The following NTRK3 variants were observed in gnomAD, a reference collection of about 807,000 sequenced individuals.
NTRK3 encodes neurotrophic receptor tyrosine kinase 3.
Under a neutral mutation model 91.7 loss-of-function variants are expected in NTRK3, and 24 were observed. The observed-to-expected ratio is 0.26, with a 90% confidence interval of 0.19 to 0.37. The LOEUF (loss-of-function observed/expected upper bound fraction) is 0.37. NTRK3 is among the 10% of genes least tolerant of loss of function. NTRK3 has a pLI of 1.00. For synonymous variants in NTRK3, 483 were observed against 404.0 expected (o/e 1.20, Z -2.34); for missense variants, 880 against 1,068.9 (o/e 0.82, Z 2.46).
rs1598146852 is a variant in NTRK3 at position 88,243,167 on chromosome 15, G to A, written c.248+12739C>T. Among the ~76,000 whole-genome samples the A allele has an allele frequency of 1.3e-5, 2 of 152,092 alleles. No homozygotes were observed. On this transcript the variant is annotated intron_variant, in intron 3 of 18. Coordinates refer to ENST00000394480, the Ensembl canonical transcript of NTRK3. This position sits in a 1 kb window ranked among gnomAD's most constrained non-coding sequence, Gnocchi z 4.8. ...CTCAAAGACAAGGTTTCTGCCAAGA[G>A]AATAAAATTGCACCCCTCCTCCACG...
intron 12 of NTRK3, 41 bp downstream of exon 12, chr15:88,127,121 A>G: frequency 6.6e-7 from 1 of 1,521,930 alleles, no homozygotes; most frequent in South Asian, 1.1e-5. Context: ...GAAAATGACT[A>G]TGCCAGTCAA....
intron 14 of NTRK3, among the ~76,000 whole-genome samples, chr15:88,025,844 A>G (rs1210100532): frequency 6.6e-6 from 1 of 152,252 alleles, no homozygotes; most frequent in Non-Finnish European, 1.5e-5. Flanking sequence ...ACAATGAAGT[A>G]CTGCTCAGTG....
chr15:87,969,782 A>G (rs1352174421), intron 14 of NTRK3, among the ~76,000 whole-genome samples: 2 of 152,156 alleles, frequency 1.3e-5, no homozygotes, highest in East Asian at 3.9e-4. Context: ...TGTTAGGCAG[A>G]GCTGCCTTCT....
At chr15:87,860,015 T>A (rs1022810112) in exon 19 of NTRK3, 6 of 196,744 alleles carry the variant, frequency 3.0e-5, no homozygotes, top group African/African-American at 1.4e-4. Context: ...CATATATACA[T>A]ATATATGTAT....
chr15:88,036,502 C>T (rs760747370), intron 13 of NTRK3, among the ~76,000 whole-genome samples: 1 of 152,064 alleles, frequency 6.6e-6, no homozygotes, highest in Non-Finnish European at 1.5e-5. Flanking sequence ...TGCTTGTCCC[C>T]GTCTTAGCAT....
chr15:87,959,468 G>A (rs763014985), intron 14 of NTRK3, among the ~76,000 whole-genome samples: 2 of 152,162 alleles, frequency 1.3e-5, no homozygotes, highest in Non-Finnish European at 2.9e-5. Context: ...CAGCAGATCC[G>A]AATTCTGAAA....
At chr15:88,123,634 G>A (rs1384765944) in intron 13 of NTRK3, among the ~76,000 whole-genome samples, 1 of 152,168 alleles carries the variant, frequency 6.6e-6, no homozygotes, top group East Asian at 1.9e-4. Flanking sequence ...GCCACAACTT[G>A]GTTTTATGCA....
chr15:88,019,438 A>G (rs1387633855), intron 14 of NTRK3, among the ~76,000 whole-genome samples: 2 of 152,230 alleles, frequency 1.3e-5, no homozygotes, highest in East Asian at 1.9e-4. Context: ...CATATGCCTC[A>G]GGGAAAATGA....
At chr15:88,105,546 G>A (rs934110815) in intron 13 of NTRK3, among the ~76,000 whole-genome samples, 7 of 152,204 alleles carry the variant, frequency 4.6e-5, no homozygotes, top group South Asian at 2.1e-4. Context: ...TGTAGTACAC[G>A]CTCCACTAGT....
intron 14 of NTRK3, among the ~76,000 whole-genome samples, chr15:87,971,976 T>C (rs1210716919): frequency 6.6e-6 from 1 of 152,200 alleles, no homozygotes; most frequent in Non-Finnish European, 1.5e-5. Flanking sequence ...CTGAAGGTAG[T>C]GTGAGCTTTG....
chr15:88,128,741 A>G lies in NTRK3; in HGVS notation c.1205-7T>C. 1 of 1,613,894 alleles carries G rather than the reference A, an allele frequency of 6.2e-7. No individual in the cohort carries two copies. Among genetic ancestry groups the G allele is most frequent in the Non-Finnish European group, 8.5e-7 (1 of 1,179,764 alleles). ...ATAAAGTTATCCGTGCTCTCTGCAA[A>G]AAAAGGACAAAGAGATAATTAACAA... On this transcript the variant is annotated splice_region_variant and splice_polypyrimidine_tract_variant and intron_variant, in intron 10 of 18. Coordinates refer to ENST00000394480, the Ensembl canonical transcript of NTRK3.
At chr15:87,969,440 AATAG>A (rs952055772) in intron 14 of NTRK3, among the ~76,000 whole-genome samples, 9 of 152,202 alleles carry the variant, frequency 5.9e-5, no homozygotes, top group African/African-American at 2.2e-4. Context: ...TAATAAGAAG[AATAG>A]ATAGATAGAT....
chr15:87,900,329 G>T (rs1409823657), intron 17 of NTRK3, among the ~76,000 whole-genome samples: 1 of 152,132 alleles, frequency 6.6e-6, no homozygotes, highest in East Asian at 1.9e-4. Context: ...CCCTGGCAAG[G>T]CCTAGAGGCA....
intron 17 of NTRK3, among the ~76,000 whole-genome samples, chr15:87,908,916 G>A (rs2066927253): frequency 1.3e-5 from 2 of 151,986 alleles, no homozygotes; most frequent in Non-Finnish European, 2.9e-5. Flanking sequence ...CACGAGCTTG[G>A]TTCTACTCCC....
chr15:88,086,565 C>T (rs367672704), intron 13 of NTRK3, among the ~76,000 whole-genome samples: 78 of 151,836 alleles, frequency 5.1e-4, no homozygotes, highest in African/African-American at 1.6e-3. Context: ...GGGGCTCTCT[C>T]GTATTCTGAT....
chr15:87,909,794 G>A (rs148649190), intron 17 of NTRK3, among the ~76,000 whole-genome samples: 1 of 152,306 alleles, frequency 6.6e-6, no homozygotes, highest in Non-Finnish European at 1.5e-5. Context: ...AAGAGATTAG[G>A]ACACAAACCA....
chr15:88,136,473 A>G (rs749272949), exon 8 of NTRK3: 22 of 1,614,094 alleles, frequency 1.4e-5, no homozygotes, highest in Non-Finnish European at 1.9e-5. Flanking sequence ...CTACCTGGTG[A>G]GTGTTGATGG....
chr15:88,247,657 T>G (rs1486176435), intron 3 of NTRK3, among the ~76,000 whole-genome samples: 1 of 152,106 alleles, frequency 6.6e-6, no homozygotes, highest in East Asian at 1.9e-4. Context: ...CTCTCAGAAG[T>G]GCGAGGCCAG....
chr15:88,220,518 G>A (rs911322900), intron 3 of NTRK3, among the ~76,000 whole-genome samples: 20 of 152,190 alleles, frequency 1.3e-4, no homozygotes, highest in Non-Finnish European at 2.4e-4. Flanking sequence ...GGAAGCCTCG[G>A]ATCTGAAAAA....
Sources: allele counts gnomAD v4.1 joint callset (sites outside exome capture counted in the v4.1 genomes callset), GRCh38; gene constraint gnomAD v4.1.1; non-coding constraint Gnocchi (gnomAD v3.1); transcripts MANE v1.5; gene names NCBI Gene and HGNC (gene_info 2026-07-23, HGNC 2026-07-21).